Variants in DLGAP1 observed in about 807,000 individuals in gnomAD.
The protein encoded by DLGAP1 is DLG associated protein 1.
In DLGAP1, 11 loss-of-function variants were observed where a neutral mutation model predicts 90.8. That is an observed-to-expected ratio of 0.12 (90% CI 0.08 to 0.20). DLGAP1 has a LOEUF of 0.20. DLGAP1 is among the 10% of genes least tolerant of loss of function. The pLI, the probability that DLGAP1 is intolerant of heterozygous loss-of-function variation, is 1.00. For synonymous variants in DLGAP1, 558 were observed against 540.7 expected (o/e 1.03, Z -0.44); for missense variants, 1,050 against 1,333.8 (o/e 0.79, Z 3.31).
chr18:4,296,462 C>T (rs1220531019), intron 1 of DLGAP1, among the ~76,000 whole-genome samples: 1 of 152,210 alleles, frequency 6.6e-6, no homozygotes. Context: ...AAATGAACCA[C>T]GTGCTTGCAT....
intron 3 of DLGAP1, chr18:3,894,639 T>A (rs966467903): frequency 6.6e-6 from 1 of 152,238 alleles, no homozygotes; most frequent in Non-Finnish European, 1.5e-5. Context: ...TTTGTTCTTT[T>A]TGCTTAGTAT....
At chr18:4,409,309 TC>T (rs1258959668) in intron 1 of DLGAP1, among the ~76,000 whole-genome samples, 1 of 152,158 alleles carries the variant, frequency 6.6e-6, no homozygotes, top group African/African-American at 2.4e-5. Flanking sequence ...TTTCTATAAT[TC>T]TTTTTTTCCA....
In DLGAP1 at chr18:4,448,055, T is replaced by C. The variant is rs142023217; in HGVS notation, c.-267+6951A>G. Among the ~76,000 whole-genome samples the C allele has an allele frequency of 3.8e-3, 582 of 152,314 alleles. 4 individuals carry two copies. Among genetic ancestry groups the C allele is most frequent in the African/African-American group, 0.01 (429 of 41,580 alleles). ...GGACCAGGAACATGCCAAGTTCATT[T>C]GCACCTCCACGTCTATGCAAATGTT... is the stretch of plus-strand genomic sequence containing the variant. On this transcript the variant is annotated intron_variant, in intron 1 of 12. Coordinates refer to ENST00000315677, the MANE Select transcript of DLGAP1 (RefSeq NM_004746.4).
chr18:4,177,129 G>A (rs4798191), intron 1 of DLGAP1, among the ~76,000 whole-genome samples: 3,798 of 152,174 alleles, frequency 0.025, 164 homozygotes, highest in African/African-American at 0.086. Flanking sequence ...CAGATTGTGC[G>A]AGGCTCCCTG....
At chr18:3,930,343 G>C (rs1285001998) in intron 3 of DLGAP1, among the ~76,000 whole-genome samples, 1 of 152,128 alleles carries the variant, frequency 6.6e-6, no homozygotes, top group African/African-American at 2.4e-5. Flanking sequence ...CTTCTTCGTG[G>C]CAAATATTTT....
At chr18:4,131,657 A>G (rs1444116988) in intron 2 of DLGAP1, among the ~76,000 whole-genome samples, 1 of 152,156 alleles carries the variant, frequency 6.6e-6, no homozygotes. Flanking sequence ...TAGAAGAATC[A>G]CTCCAAAATA....
At chr18:4,286,289 G>A (rs1451200087) in intron 1 of DLGAP1, among the ~76,000 whole-genome samples, 2 of 152,250 alleles carry the variant, frequency 1.3e-5, no homozygotes, top group South Asian at 2.1e-4. Flanking sequence ...AAATCCAGCT[G>A]AGCCTATTTG....
At chr18:3,608,738 G>A (rs919365831) in intron 7 of DLGAP1, among the ~76,000 whole-genome samples, 4 of 152,214 alleles carry the variant, frequency 2.6e-5, no homozygotes, top group South Asian at 2.1e-4. Flanking sequence ...ACCCAGAGGC[G>A]AAGAAGGAAC....
intron 3 of DLGAP1, among the ~76,000 whole-genome samples, chr18:3,908,470 T>C (rs1316545628): frequency 6.6e-6 from 1 of 152,208 alleles, no homozygotes; most frequent in Non-Finnish European, 1.5e-5. Flanking sequence ...ATTACTGATT[T>C]CTGGCCCCCA....
At chr18:3,533,833 G>A (rs1052255785) in intron 10 of DLGAP1, among the ~76,000 whole-genome samples, 3 of 152,150 alleles carry the variant, frequency 2.0e-5, no homozygotes, top group African/African-American at 7.2e-5. Context: ...GTTTTGATTA[G>A]AATTATTTTC....
rs2064897026 is a variant in DLGAP1 at position 3,775,444 on chromosome 18, C to T, written c.1173-32932G>A. ...TGCGTATAGCACTTCCCCCTTCATTCTTTCTTCCTACTGCTCCAGCAATGT... is the reference window on the plus strand; with the variant it reads ...TGCGTATAGCACTTCCCCCTTCATTTTTTCTTCCTACTGCTCCAGCAATGT... On this transcript the variant is annotated intron_variant, in intron 5 of 12. Coordinates refer to ENST00000315677, the MANE Select transcript of DLGAP1 (RefSeq NM_004746.4). The surrounding 1 kb of genome is among the most constrained non-coding windows in gnomAD (Gnocchi z 4.9). Among the ~76,000 whole-genome samples, 1 of 152,152 alleles carries T rather than the reference C, an allele frequency of 6.6e-6. No homozygotes were observed. The highest frequency in any genetic ancestry group is 6.5e-5 in the Admixed American group (1 of 15,274).
intron 1 of DLGAP1, among the ~76,000 whole-genome samples, chr18:4,432,897 T>A (rs751404184): frequency 6.6e-6 from 1 of 152,166 alleles, no homozygotes; most frequent in Non-Finnish European, 1.5e-5. Context: ...GAGAAGTTAC[T>A]TAAGTGTACA....
At chr18:4,413,015 GT>G (rs1299624832) in intron 1 of DLGAP1, among the ~76,000 whole-genome samples, 1 of 152,202 alleles carries the variant, frequency 6.6e-6, no homozygotes, top group Non-Finnish European at 1.5e-5. Flanking sequence ...GGAAGGACAT[GT>G]CTGGCATCAG....
intron 5 of DLGAP1, among the ~76,000 whole-genome samples, chr18:3,800,204 G>A (rs1193820069): frequency 1.3e-5 from 2 of 152,168 alleles, no homozygotes; most frequent in Non-Finnish European, 2.9e-5. Context: ...TTTTCTTTAA[G>A]TGATTAAGTG....
At chr18:4,180,100 T>A (rs926586158) in intron 1 of DLGAP1, among the ~76,000 whole-genome samples, 1 of 152,184 alleles carries the variant, frequency 6.6e-6, no homozygotes, top group South Asian at 2.1e-4. Context: ...TTCACAATCA[T>A]GCGTGCATCA....
chr18:4,386,297 T>G (rs965619020), intron 1 of DLGAP1, among the ~76,000 whole-genome samples: 1 of 152,168 alleles, frequency 6.6e-6, no homozygotes, highest in Non-Finnish European at 1.5e-5. Context: ...CCAGGCAGTG[T>G]CTTCTCAGAA....
At chr18:4,082,599 C>T (rs968885903) in intron 2 of DLGAP1, among the ~76,000 whole-genome samples, 1 of 151,020 alleles carries the variant, frequency 6.6e-6, no homozygotes, top group Non-Finnish European at 1.5e-5. Context: ...ATCCACCCAC[C>T]ATGCATGCTA....
chr18:4,196,585 G>A (rs1323363611), intron 1 of DLGAP1, among the ~76,000 whole-genome samples: 1 of 152,220 alleles, frequency 6.6e-6, no homozygotes, highest in African/African-American at 2.4e-5. Flanking sequence ...GTACACAGCA[G>A]GATGTGCTGA....
chr18:3,970,391 C>G (rs1407917623), intron 3 of DLGAP1, among the ~76,000 whole-genome samples: 2 of 152,110 alleles, frequency 1.3e-5, no homozygotes, highest in Non-Finnish European at 2.9e-5. Flanking sequence ...CCATTAGGAT[C>G]AATTTTGTAG....
Sources: allele counts gnomAD v4.1 joint callset (sites outside exome capture counted in the v4.1 genomes callset), GRCh38; gene constraint gnomAD v4.1.1; non-coding constraint Gnocchi (gnomAD v3.1); transcripts MANE v1.5; gene names NCBI Gene and HGNC (gene_info 2026-07-23, HGNC 2026-07-21).